EXD3: variants seen among roughly 807,000 people sequenced by gnomAD.
The protein encoded by EXD3 is exonuclease 3'-5' domain containing 3.
EXD3 carries 92 observed loss-of-function variants against 98.0 expected under a neutral mutation model. The observed-to-expected ratio is 0.94, with a 90% CI of 0.79 to 1.12. EXD3 has a LOEUF of 1.12. EXD3 is among the 50% of genes most tolerant of loss of function. The probability of loss-of-function intolerance (pLI) is 0.00; values close to 1 mark genes in which losing one functional copy is unlikely to be tolerated. For synonymous variants in EXD3, 569 were observed against 526.0 expected, an observed-to-expected ratio of 1.08 and a Z score of -1.12; for missense variants, 1,222 against 1,191.6, an observed-to-expected ratio of 1.03 and a Z score of -0.38.
At chr9:137,323,637 T>C in intron 19 of EXD3, 88 bp downstream of exon 19, 1 of 1,510,112 alleles carries the variant, frequency 6.6e-7, no homozygotes, top group South Asian at 1.2e-5. Flanking sequence ...GACCCACCAC[T>C]GTCTAGGGTG....
At chr9:137,311,804 C>T (rs1204169790) in intron 19 of EXD3, among the ~76,000 whole-genome samples, 3 of 152,218 alleles carry the variant, frequency 2.0e-5, no homozygotes, top group Non-Finnish European at 4.4e-5. Context: ...CATCTGTCCA[C>T]TCCAGGGCTG....
chr9:137,388,497 C>T (rs1048399781), intron 2 of EXD3, among the ~76,000 whole-genome samples: 1 of 152,118 alleles, frequency 6.6e-6, no homozygotes, highest in South Asian at 2.1e-4. Context: ...TGGGTGGCGC[C>T]GAAGGCTCTG....
At chr9:137,355,527 T>A (rs113034691) in intron 8 of EXD3, among the ~76,000 whole-genome samples, 1,637 of 15,500 alleles carry the variant, frequency 0.11, 5 homozygotes, top group African/African-American at 0.21. Context: ...GGAAGGAGGA[T>A]GGAGGAAGGA....
chr9:137,392,709 G>C, intron 2 of EXD3: 1 of 343,392 alleles, frequency 2.9e-6, no homozygotes, highest in South Asian at 2.2e-5. Context: ...TTCTGGGGGG[G>C]CTGTGTCTGT....
intron 17 of EXD3, among the ~76,000 whole-genome samples, chr9:137,330,451 CAGGAGCTACACAGGACTACAA>C (rs1832987616): frequency 7.0e-6 from 1 of 142,624 alleles, no homozygotes; most frequent in East Asian, 2.3e-4. Context: ...CAGGACTACA[CAGGAGCTACACAGGACTACAA>C]AGGAGCTACA....
chr9:137,348,752 G>A (rs1297709598), intron 16 of EXD3, among the ~76,000 whole-genome samples: 1 of 109,716 alleles, frequency 9.1e-6, no homozygotes, highest in East Asian at 3.6e-4. Flanking sequence ...ATCACGGGGA[G>A]GGGTTAGATA....
intron 1 of EXD3, among the ~76,000 whole-genome samples, chr9:137,416,200 G>A (rs1838221074): frequency 6.6e-6 from 1 of 152,180 alleles, no homozygotes; most frequent in South Asian, 2.1e-4. Context: ...TGCAGTGCCT[G>A]AGGGCCAAGA....
chr9:137,355,731 A>AGAAAG (rs1834740443), intron 8 of EXD3, among the ~76,000 whole-genome samples: 1 of 114,140 alleles, frequency 8.8e-6, no homozygotes, highest in African/African-American at 3.3e-5. Context: ...AGGAGGAAGG[A>AGAAAG]GGACCTAGAA....
rs1242427981 is a variant in EXD3 at position 137,392,806 on chromosome 9, T to TG, written c.55+2496dup. On this transcript the variant is annotated intron_variant, in intron 2 of 21. Transcript: ENST00000340951. The stretch of plus-strand genomic sequence containing the variant: ...TCCAGGGGGCATCGAGGCTGTTCTG[T>TG]GGGGGGGCGCCGTGTCTGTTCCAGG... 57 of 166,956 alleles carry TG rather than the reference T, an allele frequency of 3.4e-4. 1 individual carries two copies. The highest frequency in any genetic ancestry group is 2.3e-3 in the Middle Eastern group (1 of 444). 10.3% of individuals were successfully genotyped at this position (166,956 alleles called of 1,614,324 possible). A position where few individuals can be genotyped will look rare whatever the true frequency, so the allele number is the denominator to read the frequency against.
chr9:137,307,560 G>A, intron 21 of EXD3, 48 bp downstream of exon 21: 1 of 1,601,624 alleles, frequency 6.2e-7, no homozygotes, highest in Non-Finnish European at 8.5e-7. Context: ...CTGGCACCAG[G>A]GCCGCAGAGA....
At position 137,324,109 on chromosome 9, in the gene EXD3, G is replaced by T; in HGVS notation, c.2033C>A (p.Ser678Ter). 1 of 1,588,378 alleles carries T rather than the reference G, an allele frequency of 6.3e-7. No homozygotes were observed. Among genetic ancestry groups the T allele is most frequent in the Non-Finnish European group, 8.6e-7 (1 of 1,168,170 alleles). Reference protein sequence around the residue: ...ARQEGRIILTSGQPFHKLRAQ... With the variant: ...ARQEGRIILT The stretch of plus-strand genomic sequence containing the variant: ...ACTCACCTTGTGGAATGGCTGCCCC[G>T]ACGTCAGAATGATCCTCCCCTCCTG... The change falls in exon 18 of 22, where the codon TCG (serine) becomes TAG (stop). Residue 678 changes from serine (S) to a stop codon, truncating the protein, a stop_gained. Coordinates refer to ENST00000340951, the MANE Select transcript of EXD3 (RefSeq NM_017820.5). LOFTEE classifies it high-confidence loss of function. This position sits in a 1 kb window ranked among gnomAD's most constrained non-coding sequence, Gnocchi z 4.1.
chr9:137,309,109 C>T (rs1226025012), intron 20 of EXD3, among the ~76,000 whole-genome samples: 1 of 152,198 alleles, frequency 6.6e-6, no homozygotes, highest in Non-Finnish European at 1.5e-5. Flanking sequence ...ATACTTCCAG[C>T]CCCCGTGCAG....
chr9:137,352,504 T>C, intron 11 of EXD3, 116 bp downstream of exon 11: 1 of 1,107,020 alleles, frequency 9.0e-7, no homozygotes, highest in East Asian at 2.6e-5. Context: ...CTTTGTTTTG[T>C]CTTGATTTCT....
intron 3 of EXD3, among the ~76,000 whole-genome samples, chr9:137,378,935 G>A (rs1462450676): frequency 6.8e-6 from 1 of 147,904 alleles, no homozygotes; most frequent in Middle Eastern, 3.6e-3. Flanking sequence ...TGTGTGAGGG[G>A]TACGGGGTTT....
At position 137,395,520 on chromosome 9, in the gene EXD3, G is replaced by A. The variant is rs1837171522; in HGVS notation, c.-47-116C>T. 2 of 934,684 alleles carry A rather than the reference G, an allele frequency of 2.1e-6. No individual in the cohort carries two copies. The highest frequency in any genetic ancestry group is 3.2e-6 in the Non-Finnish European group (2 of 622,452). The allele number at this position is 934,684 out of a possible 1,614,324, so 57.9% of individuals were successfully genotyped here. On this transcript the variant is annotated intron_variant, in intron 1 of 21. Coordinates refer to ENST00000340951, the MANE Select transcript of EXD3 (RefSeq NM_017820.5). This position sits in a 1 kb window ranked among gnomAD's most constrained non-coding sequence, Gnocchi z 6.5. ...GGAGCTGGTGCCTGGGGGGGCCCAAGTGGGACCCCCAGTCGCTGAGCATAG... is the reference window on the plus strand; with the variant it reads ...GGAGCTGGTGCCTGGGGGGGCCCAAATGGGACCCCCAGTCGCTGAGCATAG...
chr9:137,313,014 G>A (rs1831448939), intron 19 of EXD3, among the ~76,000 whole-genome samples: 1 of 152,208 alleles, frequency 6.6e-6, no homozygotes, highest in African/African-American at 2.4e-5. Context: ...GGTGGCTGGT[G>A]CACAGGAGTG....
At chr9:137,330,235 C>G (rs1363492186) in intron 17 of EXD3, among the ~76,000 whole-genome samples, 3 of 141,468 alleles carry the variant, frequency 2.1e-5, no homozygotes, top group Admixed American at 2.1e-4. Context: ...CTACACAGGA[C>G]TACACAGGAG....
chr9:137,322,585 G>A (rs1434788005), intron 19 of EXD3, among the ~76,000 whole-genome samples: 2 of 71,804 alleles, frequency 2.8e-5, no homozygotes, highest in Non-Finnish European at 5.3e-5. Flanking sequence ...ACCTCACCCC[G>A]GACCACGAGG....
chr9:137,406,057 A>AT (rs908921660), intron 1 of EXD3, among the ~76,000 whole-genome samples: 1 of 150,152 alleles, frequency 6.7e-6, no homozygotes, highest in Non-Finnish European at 1.5e-5. Context: ...CCATCCTATG[A>AT]AAAAAAAAAT....
Sources: allele counts gnomAD v4.1 joint callset (sites outside exome capture counted in the v4.1 genomes callset), GRCh38; gene constraint gnomAD v4.1.1; non-coding constraint Gnocchi (gnomAD v3.1); transcripts MANE v1.5; gene names NCBI Gene and HGNC (gene_info 2026-07-23, HGNC 2026-07-21).